Variants in DSCAM observed in about 807,000 individuals in gnomAD.
The protein encoded by DSCAM is cell adhesion molecule DSCAM.
Under a neutral mutation model 217.7 loss-of-function variants are expected in DSCAM, and 47 were observed. The observed-to-expected ratio is 0.22, with a 90% CI of 0.17 to 0.28. The LOEUF (loss-of-function observed/expected upper bound fraction) is 0.28, where lower values mean the gene tolerates loss of function less well. DSCAM is among the 10% of genes least tolerant of loss of function. DSCAM has a pLI of 1.00. For synonymous variants in DSCAM, 1,056 were observed against 1,015.3 expected (o/e 1.04, Z -0.76); for missense variants, 2,080 against 2,618.3 (o/e 0.79, Z 4.49).
rs192348488 is a variant in DSCAM at position 40,013,908 on chromosome 21, C to T, written c.5687-522G>A. Among the ~76,000 whole-genome samples, 277 of 152,340 alleles carry T rather than the reference C, an allele frequency of 1.8e-3. 1 individual carries two copies. Among genetic ancestry groups the T allele is most frequent in the African/African-American group, 6.2e-3 (256 of 41,582 alleles). On this transcript the variant is annotated intron_variant, in intron 32 of 32. Transcript: ENST00000400454. ...TCTTCATGATGGCTTTGGGTGAAAG[C>T]GCCACAGCTTATGGCCTTCTTACCA...
chr21:40,151,943 A>AT (rs891821546), intron 16 of DSCAM, among the ~76,000 whole-genome samples: 28 of 152,012 alleles, frequency 1.8e-4, no homozygotes, highest in African/African-American at 6.3e-4. Flanking sequence ...ACTGTCATTC[A>AT]TTTTTTTCCT....
At chr21:40,623,658 T>A (rs1440757953) in intron 3 of DSCAM, among the ~76,000 whole-genome samples, 1 of 152,124 alleles carries the variant, frequency 6.6e-6, no homozygotes, top group African/African-American at 2.4e-5. Flanking sequence ...TGCAAACAAA[T>A]CTGTGCAGAA....
intron 3 of DSCAM, among the ~76,000 whole-genome samples, chr21:40,593,152 G>A (rs2076996080): frequency 6.6e-6 from 1 of 151,994 alleles, no homozygotes; most frequent in African/African-American, 2.4e-5. Context: ...TTTATATATT[G>A]GAACTTCACA....
chr21:40,387,915 G>T (rs1471921507), intron 3 of DSCAM, among the ~76,000 whole-genome samples: 2 of 152,064 alleles, frequency 1.3e-5, no homozygotes, highest in Admixed American at 6.6e-5. Flanking sequence ...ATTAGACACA[G>T]TTGGGAAAAA....
chr21:40,526,878 G>T (rs764394456), intron 3 of DSCAM, among the ~76,000 whole-genome samples: 1 of 152,010 alleles, frequency 6.6e-6, no homozygotes, highest in Non-Finnish European at 1.5e-5. Context: ...TACAAAATAT[G>T]CTGGCAGGGG....
intron 1 of DSCAM, among the ~76,000 whole-genome samples, chr21:40,726,267 G>A (rs1047200680): frequency 6.6e-6 from 1 of 152,090 alleles, no homozygotes; most frequent in Non-Finnish European, 1.5e-5. Context: ...ATTAATCCTA[G>A]GAAAAACACA....
intron 3 of DSCAM, among the ~76,000 whole-genome samples, chr21:40,580,272 T>A (rs917117487): frequency 6.6e-6 from 1 of 151,862 alleles, no homozygotes; most frequent in African/African-American, 2.4e-5. Context: ...GTGGCTCACG[T>A]CTGTAGTCCC....
chr21:40,365,464 A>G (rs2074821482), intron 4 of DSCAM, among the ~76,000 whole-genome samples: 1 of 152,120 alleles, frequency 6.6e-6, no homozygotes, highest in African/African-American at 2.4e-5. Flanking sequence ...AATTAGACTG[A>G]CTTTCTTTCT....
At chr21:40,482,491 T>TAATAATAATA (rs2075991756) in intron 3 of DSCAM, among the ~76,000 whole-genome samples, 1 of 152,198 alleles carries the variant, frequency 6.6e-6, no homozygotes, top group African/African-American at 2.4e-5. Flanking sequence ...TTTTCAGAAT[T>TAATAATAATA]TTTACTCACT....
At chr21:40,655,890 G>A (rs75314544) in intron 3 of DSCAM, among the ~76,000 whole-genome samples, 7,930 of 151,930 alleles carry the variant, frequency 0.052, 499 homozygotes, top group East Asian at 0.17. Flanking sequence ...CCATCTCTAC[G>A]AAAAATACAA....
chr21:40,031,385 C>G (rs529755513), intron 32 of DSCAM, among the ~76,000 whole-genome samples: 1 of 152,108 alleles, frequency 6.6e-6, no homozygotes, highest in Non-Finnish European at 1.5e-5. Context: ...CACAAATATA[C>G]GACACTCGTG....
intron 27 of DSCAM, among the ~76,000 whole-genome samples, chr21:40,063,406 ATTTT>A (rs959851405): frequency 6.7e-6 from 1 of 148,614 alleles, no homozygotes; most frequent in African/African-American, 2.5e-5. Flanking sequence ...AAAAAACTTT[ATTTT>A]TTTTTTCTCT....
rs2075079500 is a variant in DSCAM at position 40,385,827 on chromosome 21, T to C, written c.509-16582A>G. Among the ~76,000 whole-genome samples the C allele has an allele frequency of 2.0e-5, 3 of 152,256 alleles. No homozygotes were observed. The South Asian group carries it at 6.2e-4, about 32-fold the overall frequency. On this transcript the variant is annotated intron_variant, in intron 3 of 32. Transcript: ENST00000400454. The stretch of plus-strand genomic sequence containing the variant: ...TAAGAAGAAAAATCTGATAAGCCTT[T>C]GTCAGAAAAAAGTGGGTGAATTCTT...
At chr21:40,694,679 G>T (rs1289135244) in intron 2 of DSCAM, among the ~76,000 whole-genome samples, 6 of 151,802 alleles carry the variant, frequency 4.0e-5, no homozygotes, top group African/African-American at 7.3e-5. Context: ...TGAGGTGAAG[G>T]TCCAGGCAGC....
intron 11 of DSCAM, among the ~76,000 whole-genome samples, chr21:40,265,544 C>T (rs1025203359): frequency 9.9e-5 from 15 of 151,298 alleles, no homozygotes; most frequent in South Asian, 8.3e-4. Context: ...CAAAGAAATC[C>T]GAAGCAAAAA....
chr21:40,626,789 A>C (rs1431389649), intron 3 of DSCAM, among the ~76,000 whole-genome samples: 1 of 152,238 alleles, frequency 6.6e-6, no homozygotes, highest in Non-Finnish European at 1.5e-5. Flanking sequence ...AGCATCAATC[A>C]CATAGTGGAT....
At chr21:40,366,785 C>T (rs1473586913) in intron 4 of DSCAM, among the ~76,000 whole-genome samples, 3 of 152,122 alleles carry the variant, frequency 2.0e-5, no homozygotes, top group African/African-American at 4.8e-5. Flanking sequence ...TTCAAGGACT[C>T]GACATTTAGC....
At position 40,108,477 on chromosome 21, in the gene DSCAM, A is replaced by G. The variant is rs141903386; in HGVS notation, c.3697-14603T>C. The stretch of plus-strand genomic sequence containing the variant: ...GAGAGATCCCTACAAGGAGAACTAC[A>G]AACTACTGCTCAAAGAAATCAGAGA... On this transcript the variant is annotated intron_variant, in intron 20 of 32. Coordinates refer to ENST00000400454, the MANE Select transcript of DSCAM (RefSeq NM_001389.5). 6.0e-3 allele frequency among the ~76,000 whole-genome samples: 918 copies of G among 152,338 alleles called. 5 individuals carry two copies. The highest frequency in any genetic ancestry group is 0.021 in the African/African-American group (893 of 41,566).
At chr21:40,678,498 T>G (rs1319477143) in intron 3 of DSCAM, among the ~76,000 whole-genome samples, 1 of 152,124 alleles carries the variant, frequency 6.6e-6, no homozygotes, top group Non-Finnish European at 1.5e-5. Context: ...GGGAGGCTGA[T>G]CTAGGTGATA....
Sources: allele counts gnomAD v4.1 joint callset (sites outside exome capture counted in the v4.1 genomes callset), GRCh38; gene constraint gnomAD v4.1.1; transcripts MANE v1.5; gene names NCBI Gene and HGNC (gene_info 2026-07-23, HGNC 2026-07-21).